The following SQLE variants were observed in gnomAD, a reference collection of about 807,000 sequenced individuals.
SQLE encodes the protein squalene epoxidase.
In SQLE, 29 loss-of-function variants were observed where a neutral mutation model predicts 60.7. The observed-to-expected ratio is 0.48, with a 90% confidence interval of 0.36 to 0.65. The LOEUF is 0.65. Among genes scored for constraint, SQLE ranks in the 30% least tolerant of loss-of-function variants. SQLE has a pLI of 0.00. For synonymous variants in SQLE, 237 were observed against 246.8 expected (o/e 0.96, Z 0.37); for missense variants, 605 against 684.1 (o/e 0.88, Z 1.29).
chr8:124,998,831 G>T lies in SQLE; in HGVS notation c.-573G>T. On this transcript the variant is annotated 5_prime_UTR_variant, in exon 1 of 11. Transcript: ENST00000265896. ...GGCGTTGGCGTTTTCCCGAGGTTGGGCTGTACAGTGTCTCCGTCCGCGGAA... is the reference window on the plus strand; with the variant it reads ...GGCGTTGGCGTTTTCCCGAGGTTGGTCTGTACAGTGTCTCCGTCCGCGGAA... 1 of 467,464 alleles carries T rather than the reference G, an allele frequency of 2.1e-6. No individual in the cohort carries two copies. The highest frequency in any genetic ancestry group is 3.3e-5 in the South Asian group (1 of 30,250). 29.0% of individuals were successfully genotyped at this position (467,464 alleles called of 1,614,324 possible).
At position 124,998,684 on chromosome 8, in the gene SQLE, A is replaced by C. The variant is rs559363326; in HGVS notation, c.-720A>C. On this transcript the variant is annotated 5_prime_UTR_variant, in exon 1 of 11. Coordinates refer to ENST00000265896, the MANE Select transcript of SQLE (RefSeq NM_003129.4). Reference sequence around the variant, plus strand: ...CCACCTTTTATCGGTGGGGAAGTGCAGTCGCGGTGGGCGGCTCTGGGGGCC... The same window carrying C: ...CCACCTTTTATCGGTGGGGAAGTGCCGTCGCGGTGGGCGGCTCTGGGGGCC... 1.4e-5 allele frequency: 9 copies of C among 643,400 alleles called. No individual in the cohort carries two copies. In the African/African-American group the frequency reaches 1.5e-4, roughly 11 times the overall value. The allele number at this position is 643,400 out of a possible 1,614,324, so 39.9% of individuals were successfully genotyped here. A position where few individuals can be genotyped will look rare whatever the true frequency, so the allele number is the denominator to read the frequency against.
intron 2 of SQLE, 22 bp downstream of exon 2, chr8:125,003,450 G>A (rs752023953): frequency 1.2e-6 from 2 of 1,611,604 alleles, no homozygotes; most frequent in Non-Finnish European, 1.7e-6. Context: ...TTGATTTTCA[G>A]GAGAGTTACG....
At chr8:125,004,039 T>C (rs1449859520) in intron 2 of SQLE, among the ~76,000 whole-genome samples, 1 of 152,094 alleles carries the variant, frequency 6.6e-6, no homozygotes, top group African/African-American at 2.4e-5. Context: ...TATCATCACA[T>C]TGGGGATTAG....
chr8:125,003,345 G>A lies in SQLE; in HGVS notation c.461G>A (p.Arg154Lys). The A allele has an allele frequency of 6.2e-7, 1 of 1,613,982 alleles. No homozygotes were observed. Among genetic ancestry groups the A allele is most frequent in the Non-Finnish European group, 8.5e-7 (1 of 1,179,898 alleles). ...GGAAGAAAGGTGACAGTCATTGAGA[G>A]AGACTTAAAAGAGCCTGACAGAATA... ...RDGRKVTVIE[R>K]DLKEPDRIVG... The change falls in exon 2 of 11, where the codon AGA becomes AAA. Residue 154 changes from arginine (R) to lysine (K), a missense_variant. Transcript: ENST00000265896.
At chr8:125,020,669 A>T (rs1298805545) in intron 9 of SQLE, 115 bp from the exon 10 acceptor site, 3 of 656,140 alleles carry the variant, frequency 4.6e-6, no homozygotes, top group Non-Finnish European at 8.1e-6. Context: ...AGGACTAGAT[A>T]TTTAAAAATT....
intron 2 of SQLE, among the ~76,000 whole-genome samples, chr8:125,004,500 T>C (rs1313960470): frequency 6.6e-6 from 1 of 151,934 alleles, no homozygotes. Flanking sequence ...AGTATATGAA[T>C]TTATCAGTTT....
At chr8:125,001,490 A>ATGTGTG (rs1814851937) in intron 1 of SQLE, among the ~76,000 whole-genome samples, 1 of 102,386 alleles carries the variant, frequency 9.8e-6, no homozygotes, top group African/African-American at 3.2e-5. Flanking sequence ...GTGTGTGTGT[A>ATGTGTG]TATAAAACAG....
intron 4 of SQLE, 71 bp from the exon 5 acceptor site, chr8:125,008,900 T>C: frequency 9.0e-7 from 1 of 1,115,940 alleles, no homozygotes; most frequent in Non-Finnish European, 1.2e-6. Flanking sequence ...TTCACGCACA[T>C]TTTTTAAGAA....
chr8:124,999,227 AACTT>A lies in SQLE; in HGVS notation c.-176_-173del, dbSNP rs1204334163. The A allele has an allele frequency of 5.7e-6, 3 of 530,168 alleles. No homozygotes were observed. The highest frequency in any genetic ancestry group is 8.7e-6 in the Non-Finnish European group (3 of 343,636). 32.8% of individuals were successfully genotyped at this position (530,168 alleles called of 1,614,324 possible). On this transcript the variant is annotated 5_prime_UTR_variant, in exon 1 of 11. Transcript: ENST00000265896. Reference sequence around the variant, plus strand: ...ACTTGGCTTCACATACTTTTACACTAACTTTATATGATTTTTAAAAACTGGTCTG... The same window carrying A: ...ACTTGGCTTCACATACTTTTACACTATATATGATTTTTAAAAACTGGTCTG...
In SQLE at chr8:124,999,093, A is replaced by G; in HGVS notation, c.-311A>G. 3.1e-6 allele frequency: 1 copy of G among 318,372 alleles called. No homozygotes were observed. Among genetic ancestry groups the G allele is most frequent in the Non-Finnish European group, 5.7e-6 (1 of 176,462 alleles). 19.7% of individuals were successfully genotyped at this position (318,372 alleles called of 1,614,324 possible). A position where few individuals can be genotyped will look rare whatever the true frequency, so the allele number is the denominator to read the frequency against. ...CAGCAACCGCTCAGGGAACACCATC[A>G]AAAAAGAAAAAAAGGGAATATCTGG... On this transcript the variant is annotated 5_prime_UTR_variant, in exon 1 of 11. Transcript: ENST00000265896.
chr8:125,001,464 G>GTA (rs1814849961), intron 1 of SQLE, among the ~76,000 whole-genome samples: 1 of 140,050 alleles, frequency 7.1e-6, no homozygotes, highest in Non-Finnish European at 1.5e-5. Flanking sequence ...GTGTGTGTGT[G>GTA]TGTGTGTGTG....
intron 4 of SQLE, 141 bp downstream of exon 4, chr8:125,007,628 A>G: frequency 1.9e-6 from 1 of 514,826 alleles, no homozygotes. Context: ...AGTGTTTCAG[A>G]TTTTTTATTT....
chr8:125,020,939 A>C (rs1815194699), intron 10 of SQLE, 68 bp downstream of exon 10: 1 of 1,049,456 alleles, frequency 9.5e-7, no homozygotes, highest in Non-Finnish European at 1.5e-6. Context: ...TTGATGAATT[A>C]CTGCAAATCT....
At chr8:125,005,475 C>T (rs752576468) in intron 2 of SQLE, 50 bp from the exon 3 acceptor site, 26 of 1,449,970 alleles carry the variant, frequency 1.8e-5, no homozygotes, top group Admixed American at 4.4e-5. Flanking sequence ...CTTAGTTTAA[C>T]GCTGGGTGTG....
At chr8:124,999,982 G>C (rs750566022) in intron 1 of SQLE, 6 of 587,996 alleles carry the variant, frequency 1.0e-5, no homozygotes, top group African/African-American at 5.5e-5. Context: ...TGAAGGAGAA[G>C]AACAACCACT....
intron 1 of SQLE, 172 bp downstream of exon 1, chr8:124,999,866 C>T: frequency 3.5e-6 from 3 of 861,294 alleles, no homozygotes; most frequent in Non-Finnish European, 5.4e-6. Flanking sequence ...CTTTGACCTT[C>T]TTAAGAATGA....
At chr8:125,017,704 T>A (rs1355309132) in intron 7 of SQLE, among the ~76,000 whole-genome samples, 1 of 152,234 alleles carries the variant, frequency 6.6e-6, no homozygotes, top group Non-Finnish European at 1.5e-5. Flanking sequence ...ACTTGCTTTG[T>A]ATACCTGGAT....
At chr8:125,000,850 T>TAGCA (rs1814834872) in intron 1 of SQLE, among the ~76,000 whole-genome samples, 1 of 152,212 alleles carries the variant, frequency 6.6e-6, no homozygotes, top group Admixed American at 6.5e-5. Flanking sequence ...CAAGAGACTA[T>TAGCA]AGCAGTAAAC....
chr8:125,010,712 G>T (rs1050735738), intron 6 of SQLE, among the ~76,000 whole-genome samples: 4 of 151,794 alleles, frequency 2.6e-5, no homozygotes, highest in Non-Finnish European at 5.9e-5. Context: ...TTATGAAAAG[G>T]GTCATCCATT....
Sources: allele counts gnomAD v4.1 joint callset (sites outside exome capture counted in the v4.1 genomes callset), GRCh38; gene constraint gnomAD v4.1.1; transcripts MANE v1.5; gene names NCBI Gene and HGNC (gene_info 2026-07-23, HGNC 2026-07-21).